SNTG2: variants seen among roughly 807,000 people sequenced by gnomAD.
SNTG2 encodes the protein syntrophin gamma 2.
Under a neutral mutation model 70.9 loss-of-function variants are expected in SNTG2, and 74 were observed. The ratio of observed to expected loss-of-function variants is 1.04; its 90% CI spans 0.86 to 1.27. SNTG2 has a LOEUF of 1.27. SNTG2 is among the 50% of genes most tolerant of loss of function. The probability of loss-of-function intolerance (pLI) is 0.00; values close to 1 mark genes in which losing one functional copy is unlikely to be tolerated. For missense variants in SNTG2, 717 were observed against 690.7 expected (o/e 1.04, Z -0.43); for synonymous variants, 278 against 273.8 (o/e 1.02, Z -0.15).
intron 9 of SNTG2, among the ~76,000 whole-genome samples, chr2:1,213,180 A>G (rs1354265642): frequency 6.6e-6 from 1 of 152,216 alleles, no homozygotes; most frequent in Non-Finnish European, 1.5e-5. Flanking sequence ...AAATCAAGCT[A>G]CTTGGCATGT....
chr2:1,212,182 CA>C (rs1402088525), intron 9 of SNTG2, among the ~76,000 whole-genome samples: 1 of 152,140 alleles, frequency 6.6e-6, no homozygotes, highest in Non-Finnish European at 1.5e-5. Flanking sequence ...AATGGGTTAG[CA>C]AAATCTCCCT....
intron 4 of SNTG2, among the ~76,000 whole-genome samples, chr2:1,101,617 G>GT (rs34245090): frequency 6.6e-6 from 1 of 151,984 alleles, no homozygotes; most frequent in African/African-American, 2.4e-5. Flanking sequence ...AGTGCAGGAG[G>GT]GCTGTGGGAC....
intron 1 of SNTG2, among the ~76,000 whole-genome samples, chr2:1,020,636 C>G (rs990293893): frequency 1.3e-5 from 2 of 152,034 alleles, no homozygotes; most frequent in African/African-American, 4.8e-5. Context: ...CATCCATATT[C>G]AATTACTAAT....
intron 6 of SNTG2, among the ~76,000 whole-genome samples, chr2:1,159,651 T>G (rs1476447806): frequency 6.6e-6 from 1 of 152,142 alleles, no homozygotes; most frequent in African/African-American, 2.4e-5. Context: ...AAAAGAGCCA[T>G]GTTGTCACCT....
chr2:1,332,269 C>G (rs1659572824), intron 16 of SNTG2, among the ~76,000 whole-genome samples: 1 of 152,210 alleles, frequency 6.6e-6, no homozygotes, highest in Non-Finnish European at 1.5e-5. Flanking sequence ...ACAGAACTTA[C>G]TATAATGTTA....
At chr2:1,083,838 C>T (rs1371185131) in intron 2 of SNTG2, among the ~76,000 whole-genome samples, 183 bp downstream of exon 2, 1 of 152,220 alleles carries the variant, frequency 6.6e-6, no homozygotes, top group Non-Finnish European at 1.5e-5. Context: ...TATTTACTCT[C>T]TCCCTGACTT....
At chr2:1,082,194 G>T (rs574713350) in intron 1 of SNTG2, among the ~76,000 whole-genome samples, 1 of 152,142 alleles carries the variant, frequency 6.6e-6, no homozygotes, top group Admixed American at 6.5e-5. Flanking sequence ...CCTTCCTACC[G>T]CACTGTGCTA....
intron 4 of SNTG2, among the ~76,000 whole-genome samples, chr2:1,116,684 G>T (rs1667005299): frequency 1.3e-5 from 2 of 150,248 alleles, no homozygotes; most frequent in South Asian, 2.1e-4. Flanking sequence ...GCATGGGGGT[G>T]CTCTGGTGTG....
intron 15 of SNTG2, among the ~76,000 whole-genome samples, chr2:1,308,902 G>C (rs886284951): frequency 1.3e-5 from 2 of 152,172 alleles, no homozygotes; most frequent in Non-Finnish European, 2.9e-5. Context: ...ATCGTTGCCT[G>C]CCTTCCATCT....
chr2:1,228,097 C>G (rs922555533), intron 9 of SNTG2, among the ~76,000 whole-genome samples: 2 of 152,192 alleles, frequency 1.3e-5, no homozygotes, highest in African/African-American at 4.8e-5. Context: ...TGTACCATGT[C>G]TCAGATCTCA....
Position 1,221,991 on chromosome 2 carries a change from CTCTG to C in SNTG2, c.719+12765_719+12768del, listed in dbSNP as rs1392557873. On this transcript the variant is annotated intron_variant, in intron 9 of 16. Transcript: ENST00000308624. The stretch of plus-strand genomic sequence containing the variant: ...TGTCTCTGTCTCTGTCTCTCTCTGT[CTCTG>C]TCTCTGTCTCTCTCTGTCTCTCTCT... 4.7e-3 allele frequency among the ~76,000 whole-genome samples: 171 copies of C among 36,558 alleles called. 43 individuals carry two copies. The highest frequency in any genetic ancestry group is 0.015 in the East Asian group (9 of 600). 24.0% of individuals were successfully genotyped at this position (36,558 alleles called of 152,430 possible).
chr2:1,285,947 T>C (rs936747238), intron 14 of SNTG2, among the ~76,000 whole-genome samples: 2 of 152,244 alleles, frequency 1.3e-5, no homozygotes, highest in Non-Finnish European at 2.9e-5. Flanking sequence ...ATTCCTTGCG[T>C]ACTCTTCCTT....
intron 1 of SNTG2, among the ~76,000 whole-genome samples, chr2:1,083,182 A>AC (rs1558379071): frequency 3.1e-4 from 19 of 61,908 alleles, no homozygotes; most frequent in South Asian, 2.0e-3. Context: ...TAAACTAAAA[A>AC]AATATATATA....
rs56707465 is a variant in SNTG2 at position 1,208,249 on chromosome 2, GTGAGTGTGAGGCACGCCCA to G, written c.592-845_592-827del. Among the ~76,000 whole-genome samples, 16 of 151,776 alleles carry G rather than the reference GTGAGTGTGAGGCACGCCCA, an allele frequency of 1.1e-4. No homozygotes were observed. In the South Asian group the frequency reaches 1.5e-3, roughly 14 times the overall value. ...ACACCTGTGAGTGTGGGGCACACCTGTGAGTGTGAGGCACGCCCATGAGTGTGGGGCACACCTGTGAGTG... is the reference window on the plus strand; with the variant it reads ...ACACCTGTGAGTGTGGGGCACACCTGTGAGTGTGGGGCACACCTGTGAGTG... On this transcript the variant is annotated intron_variant, in intron 8 of 16. Transcript: ENST00000308624.
intron 15 of SNTG2, among the ~76,000 whole-genome samples, chr2:1,310,192 G>A (rs569221444): frequency 3.3e-5 from 5 of 152,304 alleles, no homozygotes; most frequent in South Asian, 2.1e-4. Flanking sequence ...AGCCCCTGGG[G>A]TCCTGTGTGT....
At position 1,221,449 on chromosome 2, in the gene SNTG2, G is replaced by C. The variant is rs1267935389; in HGVS notation, c.719+12219G>C. On this transcript the variant is annotated intron_variant, in intron 9 of 16. Coordinates refer to ENST00000308624, the MANE Select transcript of SNTG2 (RefSeq NM_018968.4). ...TCTGTCTCTCTCTGTCTCTGTCTCT[G>C]TCTCTCTCTGTCTCTGTCTCTCTGT... 2.0e-4 allele frequency among the ~76,000 whole-genome samples: 17 copies of C among 86,244 alleles called. 1 individual carries two copies. The highest frequency in any genetic ancestry group is 8.0e-4 in the African/African-American group (12 of 15,012). The allele number at this position is 86,244 out of a possible 152,430, so 56.6% of individuals were successfully genotyped here.
At chr2:1,256,547 CTAGAT>C (rs1558603929) in intron 12 of SNTG2, 1 of 152,020 alleles carries the variant, frequency 6.6e-6, no homozygotes, top group Admixed American at 6.6e-5. Flanking sequence ...TTGTTGTAGC[CTAGAT>C]ATTTTCTAGA....
chr2:1,162,359 C>A (rs901182831), intron 6 of SNTG2, among the ~76,000 whole-genome samples: 1 of 152,172 alleles, frequency 6.6e-6, no homozygotes, highest in African/African-American at 2.4e-5. Context: ...GCGACAGACT[C>A]ACATACGGAA....
intron 2 of SNTG2, among the ~76,000 whole-genome samples, chr2:1,085,183 C>A (rs1339274553): frequency 1.3e-5 from 2 of 152,060 alleles, no homozygotes; most frequent in Admixed American, 1.3e-4. Context: ...TAAGAGTGGG[C>A]TTGAGCAAAG....
Sources: allele counts gnomAD v4.1 joint callset (sites outside exome capture counted in the v4.1 genomes callset), GRCh38; gene constraint gnomAD v4.1.1; transcripts MANE v1.5; gene names NCBI Gene and HGNC (gene_info 2026-07-23, HGNC 2026-07-21).